DLGAP1: variants seen among roughly 807,000 people sequenced by gnomAD.
DLGAP1 encodes the protein DLG associated protein 1, also known as disks large-associated protein 1.
In DLGAP1, 11 loss-of-function variants were observed where a neutral mutation model predicts 90.8. That is an observed-to-expected ratio of 0.12 (90% CI 0.08 to 0.20). DLGAP1 has a LOEUF of 0.20. DLGAP1 is among the 10% of genes least tolerant of loss of function. The probability of loss-of-function intolerance (pLI) is 1.00; values close to 1 mark genes in which losing one functional copy is unlikely to be tolerated. For missense variants in DLGAP1, 1,050 were observed against 1,333.8 expected (o/e 0.79, Z 3.31); for synonymous variants, 558 against 540.7 (o/e 1.03, Z -0.44).
At chr18:4,129,833 A>G (rs1043126443) in intron 2 of DLGAP1, among the ~76,000 whole-genome samples, 1 of 152,176 alleles carries the variant, frequency 6.6e-6, no homozygotes, top group Admixed American at 6.5e-5. Flanking sequence ...AATAACAGGA[A>G]TATATAAAAT....
At chr18:4,449,599 G>C (rs1020036960) in intron 1 of DLGAP1, among the ~76,000 whole-genome samples, 1 of 152,188 alleles carries the variant, frequency 6.6e-6, no homozygotes, top group African/African-American at 2.4e-5. Flanking sequence ...AGTGCCAGGT[G>C]CTGTGCTAGG....
In DLGAP1 at chr18:3,727,406, C is replaced by G. The variant is rs563223428; in HGVS notation, c.1591+1729G>C. 6.6e-6 allele frequency among the ~76,000 whole-genome samples: 1 copy of G among 152,176 alleles called. No individual in the cohort carries two copies. The highest frequency in any genetic ancestry group is 2.4e-5 in the African/African-American group (1 of 41,436). ...TCTCTTGCTACTTTATCTGCAACACCGTTTCCTGAGGCGGAAGGAGTGAGC... is the reference window on the plus strand; with the variant it reads ...TCTCTTGCTACTTTATCTGCAACACGGTTTCCTGAGGCGGAAGGAGTGAGC... On this transcript the variant is annotated intron_variant, in intron 7 of 12. Transcript: ENST00000315677. This position sits in a 1 kb window ranked among gnomAD's most constrained non-coding sequence, Gnocchi z 4.7.
chr18:3,839,757 C>T (rs2068608954), intron 4 of DLGAP1, among the ~76,000 whole-genome samples: 1 of 152,226 alleles, frequency 6.6e-6, no homozygotes, highest in African/African-American at 2.4e-5. Context: ...CAACATGGCA[C>T]TGAGAACAAT....
chr18:3,523,619 G>GGC (rs2051371685), intron 10 of DLGAP1, among the ~76,000 whole-genome samples: 1 of 151,536 alleles, frequency 6.6e-6, no homozygotes, highest in Non-Finnish European at 1.5e-5. Flanking sequence ...AGGCCAAGGA[G>GGC]GGCGGATCAC....
chr18:4,088,921 T>C (rs932679136), intron 2 of DLGAP1, among the ~76,000 whole-genome samples: 1 of 152,198 alleles, frequency 6.6e-6, no homozygotes, highest in Admixed American at 6.5e-5. Context: ...TCACCACTCC[T>C]ATTCAACATA....
At chr18:3,659,143 G>T (rs1219654101) in intron 7 of DLGAP1, among the ~76,000 whole-genome samples, 1 of 152,108 alleles carries the variant, frequency 6.6e-6, no homozygotes, top group Admixed American at 6.5e-5. Context: ...TGAAAATTTA[G>T]AATTAGCTAT....
At chr18:4,160,660 T>C (rs1269216257) in intron 1 of DLGAP1, among the ~76,000 whole-genome samples, 1 of 152,168 alleles carries the variant, frequency 6.6e-6, no homozygotes, top group Non-Finnish European at 1.5e-5. Flanking sequence ...ATATTACACC[T>C]GTAAGTGGAT....
At chr18:4,403,768 T>C (rs567157469) in intron 1 of DLGAP1, among the ~76,000 whole-genome samples, 15 of 152,274 alleles carry the variant, frequency 9.9e-5, no homozygotes, top group African/African-American at 3.1e-4. Context: ...CTTTTTATTA[T>C]GTTTTTTCTT....
At chr18:4,118,861 A>C (rs1006006508) in intron 2 of DLGAP1, among the ~76,000 whole-genome samples, 8 of 152,158 alleles carry the variant, frequency 5.3e-5, no homozygotes, top group Admixed American at 6.5e-5. Context: ...ATTCTCTTTA[A>C]AAAACTATGT....
At chr18:4,160,439 C>A (rs1362108077) in intron 1 of DLGAP1, among the ~76,000 whole-genome samples, 1 of 152,108 alleles carries the variant, frequency 6.6e-6, no homozygotes, top group Non-Finnish European at 1.5e-5. Context: ...ATAAGAAAAG[C>A]TACAATTTAT....
At chr18:3,962,879 T>G (rs189495720) in intron 3 of DLGAP1, among the ~76,000 whole-genome samples, 173 of 152,342 alleles carry the variant, frequency 1.1e-3, no homozygotes, top group Non-Finnish European at 1.6e-3. Context: ...CTTTTTTTTC[T>G]GTTGACAAGG....
At chr18:4,060,112 TC>T (rs899560161) in intron 2 of DLGAP1, among the ~76,000 whole-genome samples, 61 of 152,232 alleles carry the variant, frequency 4.0e-4, no homozygotes, top group African/African-American at 1.4e-3. Flanking sequence ...CAGGACAGAA[TC>T]CCAATCCTTG....
At chr18:3,667,785 C>T (rs1199384552) in intron 7 of DLGAP1, among the ~76,000 whole-genome samples, 3 of 152,130 alleles carry the variant, frequency 2.0e-5, no homozygotes, top group African/African-American at 4.8e-5. Context: ...AGGCCAGAGC[C>T]GGAATGACTC....
At chr18:4,219,027 G>GTTTTTTTT (rs34333673) in intron 1 of DLGAP1, among the ~76,000 whole-genome samples, 15 of 91,996 alleles carry the variant, frequency 1.6e-4, no homozygotes, top group East Asian at 3.2e-4. Context: ...TTCTATCTTT[G>GTTTTTTTT]TTTTTTTTTT....
intron 1 of DLGAP1, among the ~76,000 whole-genome samples, chr18:4,398,437 G>A (rs2144503453): frequency 6.6e-6 from 1 of 152,330 alleles, no homozygotes; most frequent in Non-Finnish European, 1.5e-5. Flanking sequence ...TAGCGGATAT[G>A]CTATGGACAT....
intron 7 of DLGAP1, among the ~76,000 whole-genome samples, chr18:3,675,678 C>T (rs1005183984): frequency 6.6e-6 from 1 of 152,228 alleles, no homozygotes; most frequent in African/African-American, 2.4e-5. Context: ...CCCATCCCCA[C>T]CTCCATCTGA....
chr18:3,873,252 T>C (rs190229129), intron 4 of DLGAP1, among the ~76,000 whole-genome samples: 1 of 152,218 alleles, frequency 6.6e-6, no homozygotes, highest in Admixed American at 6.5e-5. Context: ...TGATCACTGA[T>C]TCCACATCCA....
intron 1 of DLGAP1, among the ~76,000 whole-genome samples, chr18:4,340,509 G>A (rs1568524194): frequency 6.6e-6 from 1 of 152,040 alleles, no homozygotes; most frequent in African/African-American, 2.4e-5. Context: ...CTTAGTAACA[G>A]CAACATTCAC....
rs145434679 is a variant in DLGAP1 at position 4,120,382 on chromosome 18, T to C, written c.-159+30798A>G. On this transcript the variant is annotated intron_variant, in intron 2 of 12. Coordinates refer to ENST00000315677, the MANE Select transcript of DLGAP1 (RefSeq NM_004746.4). ...CAGACAACATGAGTTCTGTATCTAA[T>C]CCGCAGCATGACAGAAAGCCAATAG... is the stretch of plus-strand genomic sequence containing the variant. Among the ~76,000 whole-genome samples, 612 of 152,302 alleles carry C rather than the reference T, an allele frequency of 4.0e-3. 3 individuals are homozygous for C. Among genetic ancestry groups the C allele is most frequent in the African/African-American group, 0.014 (574 of 41,558 alleles).
Sources: allele counts gnomAD v4.1 joint callset (sites outside exome capture counted in the v4.1 genomes callset), GRCh38; gene constraint gnomAD v4.1.1; non-coding constraint Gnocchi (gnomAD v3.1); transcripts MANE v1.5; gene names NCBI Gene and HGNC (gene_info 2026-07-23, HGNC 2026-07-21).